F5: variants seen among roughly 807,000 people sequenced by gnomAD.
F5 encodes activated protein c cofactor.
A neutral mutation model predicts 216.4 loss-of-function variants in F5; 138 were observed. That is an observed-to-expected ratio of 0.64 (90% CI 0.56 to 0.73). The LOEUF (loss-of-function observed/expected upper bound fraction) is 0.73, where lower values mean the gene tolerates loss of function less well. Among genes scored for constraint, F5 ranks in the 30% least tolerant of loss-of-function variants. The pLI is 0.00. For synonymous variants in F5, 916 were observed against 930.7 expected, an observed-to-expected ratio of 0.98 and a Z score of 0.29; for missense variants, 2,403 against 2,674.0, an observed-to-expected ratio of 0.90 and a Z score of 2.24.
chr1:169,513,761 G>A lies in F5; in HGVS notation c.*552C>T, dbSNP rs1659087879. Among the ~76,000 whole-genome samples the A allele has an allele frequency of 6.6e-6, 1 of 152,124 alleles. No homozygotes were observed. Among genetic ancestry groups the A allele is most frequent in the South Asian group, 2.1e-4 (1 of 4,838 alleles). ...ACCAGGACGGATTCACAATTTCAAT[G>A]GGGCTACTGGAAAGATGCTTGGCTG... On this transcript the variant is annotated 3_prime_UTR_variant, in exon 25 of 25. Coordinates refer to ENST00000367797, the MANE Select transcript of F5 (RefSeq NM_000130.5).
At chr1:169,561,436 T>G (rs950449762) in intron 3 of F5, among the ~76,000 whole-genome samples, 2 of 152,156 alleles carry the variant, frequency 1.3e-5, no homozygotes, top group Non-Finnish European at 2.9e-5. Context: ...TATTGGACTT[T>G]CCCTACTGAT....
intron 10 of F5, among the ~76,000 whole-genome samples, chr1:169,547,268 G>T (rs989953634): frequency 6.6e-6 from 1 of 152,120 alleles, no homozygotes; most frequent in Non-Finnish European, 1.5e-5. Context: ...ATATTATTTG[G>T]GACATAGGGA....
intron 3 of F5, among the ~76,000 whole-genome samples, chr1:169,562,423 A>G (rs1214462419): frequency 6.6e-6 from 1 of 151,814 alleles, no homozygotes; most frequent in East Asian, 1.9e-4. Context: ...TTTTTATTCA[A>G]TCTTATTTGT....
chr1:169,528,212 GGCCTACCTA>G (rs1413369884), intron 16 of F5, 118 bp from the exon 17 acceptor site: 2 of 1,279,330 alleles, frequency 1.6e-6, no homozygotes, highest in African/African-American at 2.9e-5. Flanking sequence ...TGCATTCCCA[GGCCTACCTA>G]GCCATGGAAA....
chr1:169,568,226 A>C (rs1660653232), intron 3 of F5, among the ~76,000 whole-genome samples: 1 of 152,098 alleles, frequency 6.6e-6, no homozygotes, highest in African/African-American at 2.4e-5. Flanking sequence ...GAATGATGTT[A>C]ATTAAGTTTA....
At chr1:169,581,553 T>C (rs1453426668) in intron 2 of F5, among the ~76,000 whole-genome samples, 4 of 152,034 alleles carry the variant, frequency 2.6e-5, no homozygotes, top group African/African-American at 9.7e-5. Context: ...TGACTAAATA[T>C]TGAAGATTAA....
rs1404412299 is a variant in F5, at chr1:169,549,943, A to C, written c.1469T>G (p.Phe490Cys). 2 of 1,614,154 alleles carry C rather than the reference A, an allele frequency of 1.2e-6. No homozygotes were observed. The highest frequency in any genetic ancestry group is 1.7e-6 in the Non-Finnish European group (2 of 1,180,016). ...GGCATCATTTTCTGTGGGTTCATCA[A>C]ACTCTAAGATGTTCCACTTATAAGT... ...TYTYKWNILE[F>C]DEPTENDAQC... is the part of the protein sequence containing the mutation. Residue 490 changes from phenylalanine to cysteine, a missense_variant, in exon 10 of 25, where the codon TTT becomes TGT. Physicochemically the swap from Phe to Cys is radical, Grantham distance 205. This residue lies in a region of F5 where 1,425 missense variants were observed against 1,554.8 expected (regional missense o/e 0.92). Coordinates refer to ENST00000367797, the MANE Select transcript of F5 (RefSeq NM_000130.5).
At chr1:169,524,721 G>A in intron 19 of F5, 116 bp downstream of exon 19, 1 of 902,858 alleles carries the variant, frequency 1.1e-6, no homozygotes, top group South Asian at 1.3e-5. Flanking sequence ...TTGTAGTAGA[G>A]AAAAGCATAA....
intron 13 of F5, among the ~76,000 whole-genome samples, chr1:169,536,882 AG>A (rs1172222346): frequency 6.6e-6 from 1 of 152,104 alleles, no homozygotes; most frequent in African/African-American, 2.4e-5. Flanking sequence ...ATTATTTTAT[AG>A]GTAAGTCTTC....
At chr1:169,529,955 A>G (rs1291513573) in intron 15 of F5, 137 bp from the exon 16 acceptor site, 1 of 681,004 alleles carries the variant, frequency 1.5e-6, no homozygotes, top group East Asian at 2.7e-5. Flanking sequence ...GAATGGCATA[A>G]TAAGCCTGGA....
In F5 at chr1:169,555,460, G is replaced by C. The variant is rs1660298766; in HGVS notation, c.953-113C>G. On this transcript the variant is annotated intron_variant, in intron 6 of 24. Transcript: ENST00000367797. Reference sequence around the variant, plus strand: ...AGGTTTATATTAATATAATAAGAGTGAAAGTAATGCTCAGGCAATTTTTGA... The same window carrying C: ...AGGTTTATATTAATATAATAAGAGTCAAAGTAATGCTCAGGCAATTTTTGA... The C allele has an allele frequency of 3.5e-5, 41 of 1,158,806 alleles. No homozygotes were observed. The South Asian group carries it at 4.9e-4, about 14-fold the overall frequency. The allele number at this position is 1,158,806 out of a possible 1,614,324, so 71.8% of individuals were successfully genotyped here.
At position 169,543,356 on chromosome 1, in the gene F5, G is replaced by A. The variant is rs6662593; in HGVS notation, c.1976-242C>T. 0.24 allele frequency among the ~76,000 whole-genome samples: 36,968 copies of A among 152,006 alleles called. 4,710 individuals carry two copies. Among genetic ancestry groups the A allele is most frequent in the Admixed American group, 0.34 (5,195 of 15,254 alleles). ...TTCTAAAGCAATTTGACATTGCTGT[G>A]ACTCTAAGCACATGACCAGTGCGTT... On this transcript the variant is annotated intron_variant, in intron 12 of 24. Transcript: ENST00000367797.
chr1:169,518,312 A>T, intron 23 of F5, 100 bp downstream of exon 23: 4 of 1,424,484 alleles, frequency 2.8e-6, no homozygotes, highest in South Asian at 2.3e-5. Context: ...GAAACAGATT[A>T]AAATACTCCT....
intron 14 of F5, among the ~76,000 whole-genome samples, chr1:169,535,121 A>T (rs796184611): frequency 6.6e-6 from 1 of 152,214 alleles, no homozygotes; most frequent in South Asian, 2.1e-4. Flanking sequence ...CCTAAACAAC[A>T]GCATCACATA....
Position 169,515,447 on chromosome 1 carries a change from G to C in F5, c.6525C>G (p.Asp2175Glu). Residue 2175 changes from aspartate to glutamate, a missense_variant, in exon 24 of 25, where the codon GAC becomes GAG. This residue lies in a region of F5 where 659 missense variants were observed against 787.9 expected (regional missense o/e 0.84). Coordinates refer to ENST00000367797, the MANE Select transcript of F5 (RefSeq NM_000130.5). ...KPYRLKSSMV[D>E]KIFEGNTNTK... ...CTTTGCCCAGATGCCACTCTACCTT[G>C]TCCACCATGGAGGATTTCAGCCTGT... 6.2e-7 allele frequency: 1 copy of C among 1,613,096 alleles called. No homozygotes were observed.
intron 7 of F5, among the ~76,000 whole-genome samples, chr1:169,554,916 A>G (rs1476117914): frequency 6.6e-6 from 1 of 152,248 alleles, no homozygotes; most frequent in Non-Finnish European, 1.5e-5. Flanking sequence ...AGTTGAAGCG[A>G]AGCTCTCAGA....
chr1:169,518,274 A>T (rs1659205231), intron 23 of F5, 138 bp downstream of exon 23: 2 of 971,980 alleles, frequency 2.1e-6, no homozygotes, highest in Non-Finnish European at 3.2e-6. Context: ...GACATCCTGG[A>T]CTCTTGGACC....
intron 2 of F5, among the ~76,000 whole-genome samples, chr1:169,572,840 G>A (rs575122361): frequency 1.6e-4 from 25 of 152,266 alleles, no homozygotes; most frequent in Admixed American, 1.6e-3. Context: ...AGTACGGGAA[G>A]AAAGAAGAGA....
rs753751906 is a variant in F5 at position 169,540,869 on chromosome 1, G to A, written c.4221C>T (p.Asp1407=). The change falls in exon 13 of 25, where the codon GAC becomes GAT. Residue 1407 remains aspartate, a synonymous_variant. Coordinates refer to ENST00000367797, the MANE Select transcript of F5 (RefSeq NM_000130.5). ...LSQIPLTPDL[D]QMTLSPDLGE... Reference sequence around the variant, plus strand: ...CAAGGTCTGGAGAAAGTGTCATCTGGTCGAGGTCTGGGGTAAGGGGAATTT... The same window carrying A: ...CAAGGTCTGGAGAAAGTGTCATCTGATCGAGGTCTGGGGTAAGGGGAATTT... The A allele has an allele frequency of 3.1e-6, 5 of 1,611,056 alleles. No homozygotes were observed. The African/African-American group carries it at 6.7e-5, about 22-fold the overall frequency.
Sources: gnomAD v4.1 joint callset for allele counts (sites outside exome capture counted in the v4.1 genomes callset) on GRCh38, gnomAD v4.1.1 for gene constraint, gnomAD v4.1.1 regional missense constraint, MANE v1.5 for transcripts, NCBI Gene and HGNC (gene_info 2026-07-23, HGNC 2026-07-21) for gene names.